The following MITF variants were observed in gnomAD, a reference collection of about 807,000 sequenced individuals.
The protein encoded by MITF is melanocyte inducing transcription factor.
MITF carries 17 observed loss-of-function variants against 60.5 expected under a neutral mutation model. The ratio of observed to expected loss-of-function variants is 0.28; its 90% CI spans 0.19 to 0.42. The LOEUF (loss-of-function observed/expected upper bound fraction) is 0.42. Among genes scored for constraint, MITF ranks in the 10% least tolerant of loss-of-function variants. MITF has a pLI of 1.00. For missense variants in MITF, 622 were observed against 683.5 expected (o/e 0.91, Z 1.00); for synonymous variants, 260 against 248.5 (o/e 1.05, Z -0.43).
At chr3:69,889,173 C>T (rs1281481729) in intron 2 of MITF, among the ~76,000 whole-genome samples, 2 of 151,454 alleles carry the variant, frequency 1.3e-5, no homozygotes, top group East Asian at 1.9e-4. Flanking sequence ...CACTGTAGTG[C>T]ATTATAGTTT....
chr3:69,883,328 G>A (rs1223246999), intron 2 of MITF, among the ~76,000 whole-genome samples: 3 of 152,098 alleles, frequency 2.0e-5, no homozygotes, highest in Non-Finnish European at 4.4e-5. Context: ...GCATTTATTT[G>A]GTGGTTATCT....
intron 1 of MITF, among the ~76,000 whole-genome samples, chr3:69,877,847 G>T (rs191794219): frequency 6.6e-6 from 1 of 152,216 alleles, no homozygotes; most frequent in East Asian, 1.9e-4. Flanking sequence ...ATTCAAGGAA[G>T]GAAGTTCAAA....
intron 8 of MITF, 82 bp downstream of exon 8, chr3:69,956,612 T>C: frequency 8.6e-7 from 1 of 1,158,858 alleles, no homozygotes; most frequent in Non-Finnish European, 1.3e-6. Flanking sequence ...AATGCAGTTG[T>C]AAAAACTAAA....
intron 1 of MITF, among the ~76,000 whole-genome samples, chr3:69,804,426 T>G (rs2062972738): frequency 6.6e-6 from 1 of 152,042 alleles, no homozygotes; most frequent in African/African-American, 2.4e-5. Flanking sequence ...TGAGGCTCCC[T>G]CTTTTATTCT....
rs1361085926 is a variant in MITF at position 69,921,015 on chromosome 3, A to G, written c.355-16807A>G. On this transcript the variant is annotated intron_variant, in intron 2 of 9. Coordinates refer to ENST00000352241, the MANE Select transcript of MITF (RefSeq NM_001354604.2). ...CCCAAGTAGCTGGGATTACAGGCAC[A>G]CGCCACCATGCCCAGATAATTTTTT... is the stretch of plus-strand genomic sequence containing the variant. Among the ~76,000 whole-genome samples, 4 of 152,158 alleles carry G rather than the reference A, an allele frequency of 2.6e-5. No individual in the cohort carries two copies. In the East Asian group the frequency reaches 7.8e-4, roughly 30 times the overall value.
intron 2 of MITF, among the ~76,000 whole-genome samples, chr3:69,931,407 C>A (rs1331676418): frequency 1.3e-5 from 2 of 152,092 alleles, no homozygotes; most frequent in African/African-American, 4.8e-5. Context: ...TATGATAACA[C>A]CTTTTTTCTG....
rs2107276199 is a variant in MITF at position 69,879,181 on chromosome 3, C to T, written c.152C>T (p.Ser51Phe). Residue 51 changes from serine to phenylalanine, a missense_variant, in exon 2 of 10, where the codon TCC (serine) becomes TTC (phenylalanine). Transcript: ENST00000352241. ...PGASKPPISS[S>F]SMTSRILLRQ... The stretch of plus-strand genomic sequence containing the variant: ...GCCTCCAAGCCTCCGATAAGCTCCT[C>T]CAGTATGACATCACGCATCTTGCTA... 6.2e-7 allele frequency: 1 copy of T among 1,614,230 alleles called. No homozygotes were observed. The highest frequency in any genetic ancestry group is 8.5e-7 in the Non-Finnish European group (1 of 1,180,044).
chr3:69,755,537 C>T (rs1430657018), intron 1 of MITF, among the ~76,000 whole-genome samples: 4 of 134,624 alleles, frequency 3.0e-5, no homozygotes, highest in Admixed American at 8.3e-5. Context: ...TTTCTTTCCC[C>T]GACACGAATA....
intron 1 of MITF, among the ~76,000 whole-genome samples, chr3:69,782,279 G>A (rs935333627): frequency 1.3e-5 from 2 of 152,198 alleles, no homozygotes; most frequent in Non-Finnish European, 2.9e-5. Flanking sequence ...GGCTTCATAA[G>A]CTCTTAATTT....
chr3:69,861,768 G>A (rs965597399), intron 1 of MITF, among the ~76,000 whole-genome samples: 2 of 152,098 alleles, frequency 1.3e-5, no homozygotes, highest in African/African-American at 4.8e-5. Flanking sequence ...TGGATTGAAG[G>A]GCCTTTCGGT....
rs144691094 is a variant in MITF at position 69,759,242 on chromosome 3, C to T, written c.104+19541C>T. Among the ~76,000 whole-genome samples, 363 of 152,226 alleles carry T rather than the reference C, an allele frequency of 2.4e-3. 2 individuals are homozygous for T. The highest frequency in any genetic ancestry group is 8.3e-3 in the African/African-American group (345 of 41,536). On this transcript the variant is annotated intron_variant, in intron 1 of 9. Coordinates refer to ENST00000352241, the MANE Select transcript of MITF (RefSeq NM_001354604.2). ...TTAATATATATTGTTGATTCATTAACGTTGAACTTGTGGCCAGCAGCACTA... is the reference window on the plus strand; with the variant it reads ...TTAATATATATTGTTGATTCATTAATGTTGAACTTGTGGCCAGCAGCACTA...
At chr3:69,859,286 A>C (rs1575830905) in intron 1 of MITF, among the ~76,000 whole-genome samples, 1 of 152,342 alleles carries the variant, frequency 6.6e-6, no homozygotes, top group African/African-American at 2.4e-5. Context: ...GGTTTTGCAC[A>C]CCAGTGACTT....
intron 1 of MITF, among the ~76,000 whole-genome samples, chr3:69,752,821 C>T (rs1703983933): frequency 6.6e-6 from 1 of 152,140 alleles, no homozygotes; most frequent in Non-Finnish European, 1.5e-5. Context: ...TGTAGGACCT[C>T]CCTTGTCATT....
intron 2 of MITF, among the ~76,000 whole-genome samples, chr3:69,906,658 A>G (rs1383272649): frequency 2.0e-5 from 3 of 152,142 alleles, no homozygotes; most frequent in Non-Finnish European, 4.4e-5. Context: ...ATGGTCTTTA[A>G]TCCTGTAGTT....
At chr3:69,954,781 T>A (rs1020334563) in intron 7 of MITF, among the ~76,000 whole-genome samples, 1 of 152,206 alleles carries the variant, frequency 6.6e-6, no homozygotes, top group Non-Finnish European at 1.5e-5. Context: ...ATGGTAGGAC[T>A]TCGTATTATA....
rs2063666784 is a variant in MITF, at chr3:69,842,947, C to T, written c.105-36187C>T. On this transcript the variant is annotated intron_variant, in intron 1 of 9. Transcript: ENST00000352241. Reference sequence around the variant, plus strand: ...TTCTTGTGGAGAGTTTCGGTCCTACCTACATATCCTTCCCTGGCTGGAGTC... The same window carrying T: ...TTCTTGTGGAGAGTTTCGGTCCTACTTACATATCCTTCCCTGGCTGGAGTC... Among the ~76,000 whole-genome samples the T allele has an allele frequency of 3.3e-5, 5 of 152,142 alleles. No homozygotes were observed. The South Asian group carries it at 1.0e-3, about 32-fold the overall frequency.
At position 69,965,020 on chromosome 3, in the gene MITF, G is replaced by GA; in HGVS notation, c.1353_1354insA (p.Asp452ArgfsTer15). ...CCTGTACAACAACTCTCGATCTCACGGATGGCACCATCACCTTCAACAACA... is the reference window on the plus strand; with the variant it reads ...CCTGTACAACAACTCTCGATCTCACGAGATGGCACCATCACCTTCAACAACA... On this transcript the variant is annotated frameshift_variant, in exon 10 of 10. Transcript: ENST00000352241. LOFTEE classifies it high-confidence loss of function. The GA allele has an allele frequency of 6.2e-7, 1 of 1,614,020 alleles. No individual in the cohort carries two copies.
intron 1 of MITF, among the ~76,000 whole-genome samples, chr3:69,775,080 C>T (rs1220858666): frequency 6.6e-6 from 1 of 152,170 alleles, no homozygotes. Flanking sequence ...GCTTCCCAAC[C>T]CACCTCCTTG....
At chr3:69,824,184 T>A (rs2262) in intron 1 of MITF, among the ~76,000 whole-genome samples, 47,853 of 152,050 alleles carry the variant, frequency 0.31, 8,981 homozygotes, top group Non-Finnish European at 0.42. Flanking sequence ...ACAATTTGAA[T>A]GTACCCCAGG....
Sources: allele counts gnomAD v4.1 joint callset (sites outside exome capture counted in the v4.1 genomes callset), GRCh38; gene constraint gnomAD v4.1.1; transcripts MANE v1.5; gene names NCBI Gene and HGNC (gene_info 2026-07-23, HGNC 2026-07-21).